The following CLCN7 variants were observed in gnomAD, a reference collection of about 807,000 sequenced individuals.
The protein encoded by CLCN7 is Cl-/H+ antiporter 7, also known as H(+)/Cl(-) exchange transporter 7.
In CLCN7, 60 loss-of-function variants were observed where a neutral mutation model predicts 102.1. The observed-to-expected ratio is 0.59, with a 90% CI of 0.48 to 0.73. The LOEUF is 0.73. CLCN7 is among the 30% of genes least tolerant of loss of function. The pLI is 0.00. For synonymous variants in CLCN7, 560 were observed against 490.5 expected (o/e 1.14, Z -1.87); for missense variants, 962 against 1,125.7 (o/e 0.85, Z 2.08).
chr16:1,470,185 C>T (rs927622436), intron 1 of CLCN7, among the ~76,000 whole-genome samples: 6 of 152,222 alleles, frequency 3.9e-5, no homozygotes, highest in African/African-American at 9.6e-5. Context: ...TTTTTAGAAA[C>T]AAGGTCTTGC....
chr16:1,474,859 C>A lies in CLCN7; in HGVS notation c.116G>T (p.Gly39Val), dbSNP rs972786509. ...RPGGGTPLLNGAGPGAARQSP... is the reference protein window; with the variant it reads ...RPGGGTPLLNVAGPGAARQSP... ...CTGGCGCGCAGCCCCAGGCCCAGCC[C>A]CGTTCAGCAGCGGCGTCCCCCCGCC... is the stretch of plus-strand genomic sequence containing the variant. Residue 39 changes from glycine (G) to valine (V), a missense_variant, in exon 1 of 25, where the codon GGG becomes GTG. This residue lies in a region of CLCN7 where 163 missense variants were observed against 137.7 expected (regional missense o/e 1.18). Coordinates refer to ENST00000382745, the MANE Select transcript of CLCN7 (RefSeq NM_001287.6). 6.9e-6 allele frequency: 10 copies of A among 1,441,174 alleles called. No individual in the cohort carries two copies. The highest frequency in any genetic ancestry group is 9.1e-6 in the Non-Finnish European group (10 of 1,099,506). 89.3% of individuals were successfully genotyped at this position (1,441,174 alleles called of 1,614,324 possible).
At chr16:1,466,751 G>A (rs2039010419) in intron 1 of CLCN7, 1 of 152,002 alleles carries the variant, frequency 6.6e-6, no homozygotes, top group Non-Finnish European at 1.5e-5. Flanking sequence ...CCAGGAGTTC[G>A]AGACCAGCTG....
At position 1,446,461 on chromosome 16, in the gene CLCN7, T is replaced by C. The variant is rs2142363868; in HGVS notation, c.*170A>G. On this transcript the variant is annotated 3_prime_UTR_variant, in exon 25 of 25. Transcript: ENST00000382745. The stretch of plus-strand genomic sequence containing the variant: ...AGACCACTGCCCACAACAGGGTCAG[T>C]CCCGCGAGAGGGTCAGTTCCGCGCC... 1 of 715,906 alleles carries C rather than the reference T, an allele frequency of 1.4e-6. No homozygotes were observed. Among genetic ancestry groups the C allele is most frequent in the South Asian group, 1.5e-5 (1 of 67,844 alleles). 44.3% of individuals were successfully genotyped at this position (715,906 alleles called of 1,614,324 possible). A position where few individuals can be genotyped will look rare whatever the true frequency, so the allele number is the denominator to read the frequency against.
rs2038695103 is a variant in CLCN7 at position 1,448,767 on chromosome 16, C to T, written c.1798-1G>A. On this transcript the variant is annotated splice_acceptor_variant, in intron 19 of 24. Transcript: ENST00000382745. LOFTEE classifies it high-confidence loss of function. ...GCTGAATGTGCATGTCGTACAGGCC[C>T]TGCGGGCGGGGCGGGAACACAGGGC... 6.2e-7 allele frequency: 1 copy of T among 1,611,508 alleles called. No homozygotes were observed. The highest frequency in any genetic ancestry group is 8.5e-7 in the Non-Finnish European group (1 of 1,179,886).
rs1162082133 is a variant in CLCN7, at chr16:1,457,358, T to C, written c.739-21A>G. On this transcript the variant is annotated intron_variant, in intron 8 of 24. Transcript: ENST00000382745. The surrounding 1 kb of genome is among the most constrained non-coding windows in gnomAD (Gnocchi z 5.4). The stretch of plus-strand genomic sequence containing the variant: ...CCTTCCTGGAGACCAGAAGGACCGG[T>C]GCTCAGAGACACGCGTGACGCGGCC... 3.1e-6 allele frequency: 5 copies of C among 1,608,704 alleles called. No homozygotes were observed. The highest frequency in any genetic ancestry group is 4.3e-6 in the Non-Finnish European group (5 of 1,176,198).
At chr16:1,472,657 T>C (rs2039093143) in intron 1 of CLCN7, 1 of 152,194 alleles carries the variant, frequency 6.6e-6, no homozygotes, top group Admixed American at 6.5e-5. Flanking sequence ...TCAACCTCCA[T>C]CAAGGTTCCT....
intron 2 of CLCN7, among the ~76,000 whole-genome samples, chr16:1,461,945 C>T (rs533504695): frequency 9.9e-5 from 15 of 151,780 alleles, no homozygotes; most frequent in African/African-American, 3.4e-4. Context: ...ATTAGCTGGG[C>T]GTGGTGGTGG....
intron 1 of CLCN7, among the ~76,000 whole-genome samples, chr16:1,466,218 C>T (rs2039002636): frequency 6.6e-6 from 1 of 152,250 alleles, no homozygotes; most frequent in African/African-American, 2.4e-5. Context: ...GCGGCTGGTA[C>T]CGGCCGTGGG....
intron 1 of CLCN7, among the ~76,000 whole-genome samples, chr16:1,468,036 T>C (rs1230329962): frequency 6.6e-6 from 1 of 151,904 alleles, no homozygotes; most frequent in Admixed American, 6.6e-5. Context: ...TGAGCTATGG[T>C]TGCACCACTG....
In CLCN7 at chr16:1,456,607, G is replaced by A. The variant is rs560355723; in HGVS notation, c.823-401C>T. On this transcript the variant is annotated intron_variant, in intron 9 of 24. Coordinates refer to ENST00000382745, the MANE Select transcript of CLCN7 (RefSeq NM_001287.6). ...TCATCCCAGCACTTTGGGAGGCCGA[G>A]GCAGGCGGATCACCTGAGGTCGGGA... Among the ~76,000 whole-genome samples the A allele has an allele frequency of 3.9e-5, 6 of 152,332 alleles. No individual in the cohort carries two copies. The East Asian group carries it at 1.2e-3, about 29-fold the overall frequency.
At chr16:1,451,496 T>C (rs2038749837) in intron 16 of CLCN7, 127 bp downstream of exon 16, 2 of 731,774 alleles carry the variant, frequency 2.7e-6, no homozygotes, top group Non-Finnish European at 2.4e-6. Context: ...GAGTCCCTGC[T>C]ATGATCCATG....
At chr16:1,456,702 G>A (rs1023461583) in intron 9 of CLCN7, among the ~76,000 whole-genome samples, 5 of 152,078 alleles carry the variant, frequency 3.3e-5, no homozygotes, top group Non-Finnish European at 7.4e-5. Context: ...TTAGCCAGGC[G>A]TGGTGGCGGG....
At chr16:1,474,124 A>ACC (rs1266846783) in intron 1 of CLCN7, 1 of 455,448 alleles carries the variant, frequency 2.2e-6, no homozygotes, top group Admixed American at 2.4e-5. Context: ...AGACAGGGAA[A>ACC]CAAATGTACC....
In CLCN7 at chr16:1,452,824, G is replaced by A. The variant is rs1596215833; in HGVS notation, c.1284C>T (p.Ala428=). The change falls in exon 15 of 25, where the codon GCC becomes GCT. Residue 428 remains alanine, a synonymous_variant. Coordinates refer to ENST00000382745, the MANE Select transcript of CLCN7 (RefSeq NM_001287.6). The part of the protein sequence containing the change: ...VLVAAVTATV[A]FVLIYSSRDC... Reference sequence around the variant, plus strand: ...CCCGCGACGAGTAGATCAGCACGAAGGCAACTGTGGCCGTGACGGCGGCCA... The same window carrying A: ...CCCGCGACGAGTAGATCAGCACGAAAGCAACTGTGGCCGTGACGGCGGCCA... The A allele has an allele frequency of 6.2e-7, 1 of 1,601,602 alleles. No individual in the cohort carries two copies. The highest frequency in any genetic ancestry group is 2.3e-5 in the East Asian group (1 of 44,114).
intron 1 of CLCN7, among the ~76,000 whole-genome samples, chr16:1,468,810 A>G (rs558373488): frequency 3.1e-4 from 47 of 152,194 alleles, no homozygotes; most frequent in Non-Finnish European, 5.9e-4. Flanking sequence ...TGTTACGGAA[A>G]GGTAAACATT....
At chr16:1,451,780 C>T in intron 15 of CLCN7, 64 bp from the exon 16 acceptor site, 2 of 1,360,572 alleles carry the variant, frequency 1.5e-6, no homozygotes, top group East Asian at 2.4e-5. Context: ...CAGGCACAAA[C>T]CTGGTGTCGC....
At chr16:1,469,036 A>T (rs1240970743) in intron 1 of CLCN7, among the ~76,000 whole-genome samples, 1 of 145,658 alleles carries the variant, frequency 6.9e-6, no homozygotes, top group Admixed American at 6.7e-5. Flanking sequence ...ACTTAAAAAA[A>T]ACGAAAAAAA....
At chr16:1,446,954 G>A (rs2038656568) in intron 24 of CLCN7, 52 bp downstream of exon 24, 2 of 1,477,524 alleles carry the variant, frequency 1.4e-6, no homozygotes, top group South Asian at 1.2e-5. Context: ...ACGGGCAGGA[G>A]GCAGAGGGGA....
chr16:1,461,699 G>C (rs1362458423), intron 2 of CLCN7, 25 bp from the exon 3 acceptor site: 2 of 1,605,254 alleles, frequency 1.2e-6, no homozygotes, highest in Non-Finnish European at 1.7e-6. Context: ...GGCAAAGAGA[G>C]AAGCACAGTT....
Sources: allele counts gnomAD v4.1 joint callset (sites outside exome capture counted in the v4.1 genomes callset), GRCh38; gene constraint gnomAD v4.1.1; regional missense constraint gnomAD v4.1.1; non-coding constraint Gnocchi (gnomAD v3.1); transcripts MANE v1.5; gene names NCBI Gene and HGNC (gene_info 2026-07-23, HGNC 2026-07-21).